Variants in ZNF516 observed in about 807,000 individuals in gnomAD.
ZNF516 encodes zinc finger protein 516.
In ZNF516, 19 loss-of-function variants were observed where a neutral mutation model predicts 79.7. The observed-to-expected ratio is 0.24, with a 90% confidence interval of 0.17 to 0.35. The LOEUF is 0.35. Ranked by LOEUF, ZNF516 falls within the 10% of genes least tolerant of loss-of-function variation. ZNF516 has a pLI of 1.00. For missense variants in ZNF516, 1,678 were observed against 1,679.5 expected, an observed-to-expected ratio of 1.00 and a Z score of 0.02; for synonymous variants, 877 against 739.5, an observed-to-expected ratio of 1.19 and a Z score of -3.02.
chr18:76,367,699 C>T (rs1368823836), intron 6 of ZNF516, among the ~76,000 whole-genome samples: 5 of 152,218 alleles, frequency 3.3e-5, no homozygotes, highest in African/African-American at 9.7e-5. Context: ...CTTGCTCTGC[C>T]CTACTTCCTG....
intron 1 of ZNF516, among the ~76,000 whole-genome samples, chr18:76,475,008 G>A (rs527458667): frequency 1.2e-4 from 19 of 152,314 alleles, no homozygotes; most frequent in African/African-American, 3.8e-4. Context: ...TGTGAGAGAT[G>A]AGTCAAGTCC....
intron 3 of ZNF516, among the ~76,000 whole-genome samples, chr18:76,392,648 G>A (rs1187329310): frequency 3.4e-5 from 4 of 116,324 alleles, no homozygotes; most frequent in African/African-American, 1.5e-4. Context: ...GGGCAGGCGG[G>A]AAGGCAGGTG....
chr18:76,365,713 C>T (rs901220449), intron 6 of ZNF516, among the ~76,000 whole-genome samples: 5 of 152,174 alleles, frequency 3.3e-5, no homozygotes, highest in African/African-American at 9.7e-5. Context: ...GCACCAAGGA[C>T]AAGCACCGGT....
intron 3 of ZNF516, among the ~76,000 whole-genome samples, chr18:76,440,742 T>TGTGTGTGTGTGTG (rs1555711267): frequency 6.7e-6 from 1 of 149,942 alleles, no homozygotes; most frequent in African/African-American, 2.5e-5. Flanking sequence ...GTGTGTGTGT[T>TGTGTGTGTGTGTG]TGTGTGTGTG....
chr18:76,445,021 C>G (rs1436989227), intron 2 of ZNF516, among the ~76,000 whole-genome samples: 2 of 152,192 alleles, frequency 1.3e-5, no homozygotes, highest in African/African-American at 4.8e-5. Flanking sequence ...CAGGAACGCA[C>G]CCAGCAGAGC....
chr18:76,443,099 G>T lies in ZNF516; in HGVS notation c.-45C>A. Reference sequence around the variant, plus strand: ...GGTGGTGGCGGCACAGCTTTCTGTCGCGCGGGCTGCAGGGACCGTCCTATC... The same window carrying T: ...GGTGGTGGCGGCACAGCTTTCTGTCTCGCGGGCTGCAGGGACCGTCCTATC... On this transcript the variant is annotated 5_prime_UTR_variant, in exon 3 of 7. Transcript: ENST00000443185. The T allele has an allele frequency of 1.3e-6, 2 of 1,532,480 alleles. No homozygotes were observed. The highest frequency in any genetic ancestry group is 1.9e-4 in the Middle Eastern group (1 of 5,270). The allele number at this position is 1,532,480 out of a possible 1,614,324, so 94.9% of individuals were successfully genotyped here.
chr18:76,372,318 C>T (rs1246345705), intron 4 of ZNF516, among the ~76,000 whole-genome samples: 4 of 152,264 alleles, frequency 2.6e-5, no homozygotes, highest in Admixed American at 2.6e-4. Context: ...TTTGTCTGCA[C>T]AACTTTTCTC....
At chr18:76,474,014 G>C (rs1914035506) in intron 1 of ZNF516, among the ~76,000 whole-genome samples, 2 of 151,056 alleles carry the variant, frequency 1.3e-5, no homozygotes, top group South Asian at 4.2e-4. Context: ...CCAAGAAGTG[G>C]GATTACAGGA....
In ZNF516 at chr18:76,359,084, G is replaced by A. The variant is rs958225660; in HGVS notation, c.*3414C>T. On this transcript the variant is annotated 3_prime_UTR_variant, in exon 7 of 7. Transcript: ENST00000443185. ...GGTGTTCTCACACCCTCAGCGACCT[G>A]TGCACAGTGGCCGGATCAGGGGTGG... The A allele has an allele frequency of 2.0e-5, 3 of 152,264 alleles. No individual in the cohort carries two copies. Among genetic ancestry groups the A allele is most frequent in the Non-Finnish European group, 4.4e-5 (3 of 68,086 alleles). The allele number at this position is 152,264 out of a possible 1,614,324, so 9.4% of individuals were successfully genotyped here.
chr18:76,464,933 C>G (rs538316763), intron 1 of ZNF516, among the ~76,000 whole-genome samples: 8 of 152,158 alleles, frequency 5.3e-5, no homozygotes, highest in African/African-American at 1.7e-4. Flanking sequence ...TTTAGTGATG[C>G]GGAGAAACTA....
Position 76,480,223 on chromosome 18 carries a change from G to A in ZNF516, c.-272+14921C>T, listed in dbSNP as rs113209559. On this transcript the variant is annotated intron_variant, in intron 1 of 6. Transcript: ENST00000443185. ...TAGTAGTAATTCTTGTCATCTACAC[G>A]TTTAACATTTTGGATTTTGGATATA... Among the ~76,000 whole-genome samples, 401 of 149,714 alleles carry A rather than the reference G, an allele frequency of 2.7e-3. 1 individual carries two copies. The highest frequency in any genetic ancestry group is 4.2e-3 in the Non-Finnish European group (286 of 67,598).
At chr18:76,466,821 G>A (rs1003363141) in intron 1 of ZNF516, among the ~76,000 whole-genome samples, 4 of 152,232 alleles carry the variant, frequency 2.6e-5, no homozygotes, top group African/African-American at 9.7e-5. Flanking sequence ...TGCAACAGGA[G>A]ACAGGATGAC....
At chr18:76,410,519 C>T (rs1196571577) in intron 3 of ZNF516, among the ~76,000 whole-genome samples, 1 of 152,238 alleles carries the variant, frequency 6.6e-6, no homozygotes, top group Non-Finnish European at 1.5e-5. Context: ...CAGTTCCCTA[C>T]ACAGCCTGCA....
At chr18:76,436,422 T>C (rs1023950391) in intron 3 of ZNF516, among the ~76,000 whole-genome samples, 1 of 152,176 alleles carries the variant, frequency 6.6e-6, no homozygotes, top group Admixed American at 6.5e-5. Context: ...TTGAATCGTT[T>C]TGAGCCTCTC....
chr18:76,439,595 C>A (rs1438494561), intron 3 of ZNF516, among the ~76,000 whole-genome samples: 1 of 151,982 alleles, frequency 6.6e-6, no homozygotes, highest in Non-Finnish European at 1.5e-5. Context: ...AAAAAGAGTA[C>A]CTTCCAATTT....
chr18:76,397,641 G>A (rs139318479), intron 3 of ZNF516, among the ~76,000 whole-genome samples: 260 of 152,246 alleles, frequency 1.7e-3, no homozygotes, highest in African/African-American at 6.0e-3. Flanking sequence ...TCTGTCACCC[G>A]GGCTGGAGTG....
Position 76,401,648 on chromosome 18 carries a change from C to T in ZNF516, c.1811-21345G>A, listed in dbSNP as rs1007205153. Among the ~76,000 whole-genome samples, 23 of 152,062 alleles carry T rather than the reference C, an allele frequency of 1.5e-4. No homozygotes were observed. In the Middle Eastern group the frequency reaches 0.01, roughly 67 times the overall value. On this transcript the variant is annotated intron_variant, in intron 3 of 6. Transcript: ENST00000443185. ...GTGGCCCCTGGACAGACCGACGGCA[C>T]TCCTGGGGCAAGGTGAGCCCGGAGC... is the stretch of plus-strand genomic sequence containing the variant.
chr18:76,442,668 G>C lies in ZNF516; in HGVS notation c.387C>G (p.Asn129Lys), dbSNP rs779202060. 2.5e-6 allele frequency: 4 copies of C among 1,584,856 alleles called. No homozygotes were observed. The Admixed American group carries it at 5.2e-5, about 21-fold the overall frequency. The change falls in exon 3 of 7, where the codon AAC becomes AAG. Residue 129 changes from asparagine to lysine, a missense_variant. Asn to Lys is a moderately conservative substitution (Grantham distance 94). Around this residue, in one of 5 missense-constraint regions of ZNF516, gnomAD observed 279 missense variants for 254.1 expected, o/e 1.10. Transcript: ENST00000443185. ...TGGCGCCGTCGGCCTGCGAGGCCCC[G>C]TTCAGCAGCCGGTTGCAGGCCGAGG... Reference protein sequence around the residue: ...KSASACNRLLNGASQADGARV... With the variant: ...KSASACNRLLKGASQADGARV...
intron 1 of ZNF516, among the ~76,000 whole-genome samples, chr18:76,463,636 C>T (rs1033128537): frequency 2.6e-5 from 4 of 152,208 alleles, no homozygotes; most frequent in Admixed American, 6.5e-5. Flanking sequence ...TCACCTCCTC[C>T]GCAGCATCTG....
Sources: allele counts gnomAD v4.1 joint callset (sites outside exome capture counted in the v4.1 genomes callset), GRCh38; gene constraint gnomAD v4.1.1; regional missense constraint gnomAD v4.1.1; transcripts MANE v1.5; gene names NCBI Gene and HGNC (gene_info 2026-07-23, HGNC 2026-07-21).